Variants in PDCL2 observed in about 807,000 individuals in gnomAD.
PDCL2 encodes the protein phosducin-like protein 2.
A neutral mutation model predicts 30.3 loss-of-function variants in PDCL2; 23 were observed. The observed-to-expected ratio is 0.76, with a 90% CI of 0.55 to 1.08. The LOEUF is 1.08. Ranked by LOEUF, PDCL2 falls within the 50% of genes least tolerant of loss-of-function variation. The pLI is 0.00. For missense variants in PDCL2, 243 were observed against 282.3 expected (o/e 0.86, Z 1.00); for synonymous variants, 68 against 86.2 (o/e 0.79, Z 1.17).
rs542481201 is a variant in PDCL2 at position 55,579,768 on chromosome 4, C to G, written c.218+1053G>C. On this transcript the variant is annotated intron_variant, in intron 3 of 5. Coordinates refer to ENST00000295645, the MANE Select transcript of PDCL2 (RefSeq NM_152401.3). Reference sequence around the variant, plus strand: ...CTGGTCTGTAACTCCTAGCCTCAAGCAATCCTCCCACCATAGCCTCCCAAA... The same window carrying G: ...CTGGTCTGTAACTCCTAGCCTCAAGGAATCCTCCCACCATAGCCTCCCAAA... Among the ~76,000 whole-genome samples the G allele has an allele frequency of 3.9e-5, 6 of 152,214 alleles. No individual in the cohort carries two copies. In the South Asian group the frequency reaches 6.2e-4, roughly 16 times the overall value.
chr4:55,568,750 C>T (rs1178478144), intron 4 of PDCL2, among the ~76,000 whole-genome samples: 1 of 152,312 alleles, frequency 6.6e-6, no homozygotes, highest in African/African-American at 2.4e-5. Context: ...ATCCTCACTC[C>T]TGTCTCTACC....
chr4:55,559,322 T>G (rs1379761485), intron 5 of PDCL2, among the ~76,000 whole-genome samples: 1 of 135,962 alleles, frequency 7.4e-6, no homozygotes, highest in Non-Finnish European at 1.6e-5. Flanking sequence ...GAATTGTTCA[T>G]AATGGGAAAA....
intron 5 of PDCL2, among the ~76,000 whole-genome samples, chr4:55,558,048 G>T (rs1205979095): frequency 4.0e-5 from 6 of 150,950 alleles, no homozygotes; most frequent in African/African-American, 1.5e-4. Context: ...TTGAACCCAG[G>T]AGGCAGAGGT....
rs568126957 is a variant in PDCL2, at chr4:55,584,065, C to T, written c.7-1828G>A. On this transcript the variant is annotated intron_variant, in intron 1 of 5. Transcript: ENST00000295645. ...GGAATATCTTCCTATTTATTTGTGT[C>T]TTCTTCAATTTCTTTCATCAACGTT... 3.3e-5 allele frequency among the ~76,000 whole-genome samples: 5 copies of T among 152,170 alleles called. No homozygotes were observed. The South Asian group carries it at 1.0e-3, about 32-fold the overall frequency.
At chr4:55,578,629 G>C (rs865848975) in intron 3 of PDCL2, among the ~76,000 whole-genome samples, 25 of 151,376 alleles carry the variant, frequency 1.7e-4, no homozygotes, top group African/African-American at 5.8e-4. Flanking sequence ...GGGTTTATTT[G>C]AAGTTTTCTT....
At chr4:55,584,234 G>GTTTTTT (rs112718898) in intron 1 of PDCL2, among the ~76,000 whole-genome samples, 1 of 144,544 alleles carries the variant, frequency 6.9e-6, no homozygotes, top group Non-Finnish European at 1.5e-5. Flanking sequence ...AATGTTACTA[G>GTTTTTT]TTTTTTTTTG....
At chr4:55,579,824 C>T (rs928567621) in intron 3 of PDCL2, among the ~76,000 whole-genome samples, 1 of 151,940 alleles carries the variant, frequency 6.6e-6, no homozygotes, top group South Asian at 2.1e-4. Context: ...GCCACTGTGC[C>T]CAGCCCCAAT....
In PDCL2 at chr4:55,592,174, G is replaced by C. The variant is rs1733022476; in HGVS notation, c.-65C>G. On this transcript the variant is annotated 5_prime_UTR_variant, in exon 1 of 6. Transcript: ENST00000295645. ...CAGCTGGCGAGGCGCCACGGATGGA[G>C]ACCCGCAGCCTTCTCCAGGCTGGAA... is the stretch of plus-strand genomic sequence containing the variant. 6.3e-7 allele frequency: 1 copy of C among 1,589,868 alleles called. No individual in the cohort carries two copies. The highest frequency in any genetic ancestry group is 8.6e-7 in the Non-Finnish European group (1 of 1,168,718).
chr4:55,588,276 TC>T lies in PDCL2; in HGVS notation c.6+3827del, dbSNP rs1234094345. Among the ~76,000 whole-genome samples, 3 of 152,276 alleles carry T rather than the reference TC, an allele frequency of 2.0e-5. No homozygotes were observed. In the East Asian group the frequency reaches 5.8e-4, roughly 29 times the overall value. On this transcript the variant is annotated intron_variant, in intron 1 of 5. Coordinates refer to ENST00000295645, the MANE Select transcript of PDCL2 (RefSeq NM_152401.3). Reference sequence around the variant, plus strand: ...GACAAAGGACAGACAGAACTGAAAGTCATCCCTCTCAGACTCACCTGAGACA... The same window carrying T: ...GACAAAGGACAGACAGAACTGAAAGTATCCCTCTCAGACTCACCTGAGACA...
chr4:55,575,855 T>C (rs1051221075), intron 3 of PDCL2, among the ~76,000 whole-genome samples: 6 of 152,078 alleles, frequency 3.9e-5, no homozygotes, highest in African/African-American at 1.2e-4. Context: ...GGTAAATTAA[T>C]GCATTCCTAG....
intron 3 of PDCL2, among the ~76,000 whole-genome samples, chr4:55,573,548 G>A (rs555785793): frequency 2.6e-5 from 4 of 152,140 alleles, no homozygotes; most frequent in South Asian, 2.1e-4. Context: ...TCAGGAGTTC[G>A]AGACCAGCCT....
At chr4:55,592,009 C>T in intron 1 of PDCL2, 95 bp downstream of exon 1, 2 of 1,508,566 alleles carry the variant, frequency 1.3e-6, no homozygotes, top group Non-Finnish European at 1.8e-6. Flanking sequence ...AGCCTACCTC[C>T]TGTGTCCGCC....
chr4:55,570,840 A>C (rs1732402770), intron 3 of PDCL2, among the ~76,000 whole-genome samples: 1 of 152,142 alleles, frequency 6.6e-6, no homozygotes, highest in Non-Finnish European at 1.5e-5. Flanking sequence ...TATACCTCTA[A>C]GTTTGCTGGA....
At chr4:55,590,954 G>T (rs1732982591) in intron 1 of PDCL2, among the ~76,000 whole-genome samples, 1 of 152,162 alleles carries the variant, frequency 6.6e-6, no homozygotes, top group Non-Finnish European at 1.5e-5. Context: ...TGAATAACTG[G>T]CTGTTGAATT....
At position 55,580,437 on chromosome 4, in the gene PDCL2, T is replaced by A. The variant is rs145819340; in HGVS notation, c.218+384A>T. ...GTAAGTTGGGAAATTTATGAACCTG[T>A]TCCAGTTTCTAAAATAATTTAAGAA... On this transcript the variant is annotated intron_variant, in intron 3 of 5. Coordinates refer to ENST00000295645, the MANE Select transcript of PDCL2 (RefSeq NM_152401.3). Among the ~76,000 whole-genome samples the A allele has an allele frequency of 4.3e-4, 65 of 152,280 alleles. No individual in the cohort carries two copies. The East Asian group carries it at 0.011, about 26-fold the overall frequency.
At chr4:55,591,672 G>T (rs546535814) in intron 1 of PDCL2, among the ~76,000 whole-genome samples, 1 of 152,178 alleles carries the variant, frequency 6.6e-6, no homozygotes, top group Non-Finnish European at 1.5e-5. Flanking sequence ...TTGAGGTGAG[G>T]TGCAAGAAAC....
At chr4:55,565,973 GTTTTTTTTTTTTT>G in intron 4 of PDCL2, among the ~76,000 whole-genome samples, 1 of 74,502 alleles carries the variant, frequency 1.3e-5, no homozygotes, top group East Asian at 4.5e-4. Context: ...CCATTTTTCT[GTTTTTTTTTTTTT>G]TTTTTTTTTT....
chr4:55,577,889 G>A (rs1308464249), intron 3 of PDCL2, among the ~76,000 whole-genome samples: 1 of 152,044 alleles, frequency 6.6e-6, no homozygotes, highest in Non-Finnish European at 1.5e-5. Flanking sequence ...TTTCTTGTTT[G>A]TGTATGCCTT....
rs1213252365 is a variant in PDCL2, at chr4:55,580,925, A to G, written c.128-14T>C. On this transcript the variant is annotated splice_polypyrimidine_tract_variant and intron_variant, in intron 2 of 5. Coordinates refer to ENST00000295645, the MANE Select transcript of PDCL2 (RefSeq NM_152401.3). ...CAAATGGTTTCACTAAAACAACATA[A>G]ATTATAGATTATCAAATTGTTTAAA... 1.3e-6 allele frequency: 2 copies of G among 1,570,204 alleles called. No homozygotes were observed. Among genetic ancestry groups the G allele is most frequent in the South Asian group, 2.4e-5 (2 of 83,584 alleles).
Sources: gnomAD v4.1 joint callset for allele counts (sites outside exome capture counted in the v4.1 genomes callset) on GRCh38, gnomAD v4.1.1 for gene constraint, MANE v1.5 for transcripts, NCBI Gene and HGNC (gene_info 2026-07-23, HGNC 2026-07-21) for gene names.